PDE1C: variants seen among roughly 807,000 people sequenced by gnomAD.
The protein encoded by PDE1C is dual specificity calcium/calmodulin-dependent 3',5'-cyclic nucleotide phosphodiesterase 1C.
Under a neutral mutation model 93.1 loss-of-function variants are expected in PDE1C, and 62 were observed. That is an observed-to-expected ratio of 0.67 (90% CI 0.54 to 0.82). PDE1C has a LOEUF of 0.82. Ranked by LOEUF, PDE1C falls within the 40% of genes least tolerant of loss-of-function variation. The probability of loss-of-function intolerance (pLI) is 0.00; values close to 1 mark genes in which losing one functional copy is unlikely to be tolerated. For synonymous variants in PDE1C, 325 were observed against 310.1 expected (o/e 1.05, Z -0.50); for missense variants, 742 against 884.6 (o/e 0.84, Z 2.04).
chr7:31,888,885 A>T (rs1004915295), intron 2 of PDE1C, among the ~76,000 whole-genome samples: 1 of 152,166 alleles, frequency 6.6e-6, no homozygotes, highest in Non-Finnish European at 1.5e-5. Context: ...AAACAGCAAT[A>T]AACAATTAGA....
the PDE1C span, among the ~76,000 whole-genome samples, chr7:31,693,283 C>T: frequency 6.6e-6 from 1 of 152,160 alleles, no homozygotes; most frequent in African/African-American, 2.4e-5. Flanking sequence ...AATTGTAGCC[C>T]ATGACAGGTT....
chr7:32,298,109 C>G (rs1229735571), intron 1 of PDE1C, among the ~76,000 whole-genome samples: 1 of 145,032 alleles, frequency 6.9e-6, no homozygotes, highest in Non-Finnish European at 1.5e-5. Flanking sequence ...CTCAGCCTCT[C>G]CTCTCTTGTT....
intron 8 of PDE1C, 121 bp downstream of exon 8, chr7:31,850,520 T>C (rs1334045049): frequency 7.1e-6 from 5 of 701,610 alleles, no homozygotes; most frequent in Non-Finnish European, 1.0e-5. Flanking sequence ...TAGAGGTTCA[T>C]TGTTTCAGAA....
the PDE1C span, among the ~76,000 whole-genome samples, chr7:31,711,730 T>C: frequency 0.42 from 63,626 of 151,968 alleles, 14,698 homozygotes; most frequent in East Asian, 0.67. Flanking sequence ...TTGTCTTCCC[T>C]CGCCCCACTC....
At chr7:31,690,464 A>C in the PDE1C span, among the ~76,000 whole-genome samples, 3 of 152,242 alleles carry the variant, frequency 2.0e-5, no homozygotes, top group Non-Finnish European at 4.4e-5. Context: ...TAGCCTTTGC[A>C]AATTTTATTG....
chr7:31,988,332 A>G (rs974827798), intron 2 of PDE1C, among the ~76,000 whole-genome samples: 1 of 152,206 alleles, frequency 6.6e-6, no homozygotes, highest in Non-Finnish European at 1.5e-5. Flanking sequence ...TTCCAGCCAG[A>G]GCCATGACCA....
chr7:32,093,433 G>A (rs1472038598), intron 3 of PDE1C, among the ~76,000 whole-genome samples: 1 of 152,172 alleles, frequency 6.6e-6, no homozygotes, highest in Non-Finnish European at 1.5e-5. Context: ...TTTGGTCATT[G>A]TAATTTATAC....
At chr7:32,390,803 T>C (rs1301676171) in intron 1 of PDE1C, among the ~76,000 whole-genome samples, 1 of 151,956 alleles carries the variant, frequency 6.6e-6, no homozygotes, top group East Asian at 1.9e-4. Context: ...TAGTGAACCA[T>C]GATGGTGCCA....
At chr7:31,793,803 T>C (rs1239079333) in intron 16 of PDE1C, among the ~76,000 whole-genome samples, 2 of 151,894 alleles carry the variant, frequency 1.3e-5, no homozygotes, top group Non-Finnish European at 2.9e-5. Context: ...TTTAAAGCGT[T>C]ATTTTCAACA....
intron 2 of PDE1C, among the ~76,000 whole-genome samples, chr7:31,994,015 A>C: frequency 6.6e-6 from 1 of 152,158 alleles, no homozygotes; most frequent in East Asian, 1.9e-4. Context: ...AGAAAGTGGA[A>C]ATTCCATGTT....
At chr7:32,224,872 C>A (rs570582008) in intron 1 of PDE1C, among the ~76,000 whole-genome samples, 1 of 151,530 alleles carries the variant, frequency 6.6e-6, no homozygotes, top group African/African-American at 2.4e-5. Context: ...TTTGATCTTA[C>A]GTTAGAAGAA....
intron 15 of PDE1C, among the ~76,000 whole-genome samples, chr7:31,814,272 T>C (rs1486857700): frequency 6.6e-6 from 1 of 152,042 alleles, no homozygotes; most frequent in African/African-American, 2.4e-5. Flanking sequence ...GATCAAATGG[T>C]AGTTTGGGTA....
At chr7:31,818,010 A>C (rs1788478742) in intron 14 of PDE1C, among the ~76,000 whole-genome samples, 1 of 152,086 alleles carries the variant, frequency 6.6e-6, no homozygotes, top group Non-Finnish European at 1.5e-5. Context: ...ATCCCCAAAC[A>C]AATTAAATAA....
At chr7:32,032,007 ACC>A (rs141433224) in intron 2 of PDE1C, among the ~76,000 whole-genome samples, 3,202 of 152,084 alleles carry the variant, frequency 0.021, 126 homozygotes, top group African/African-American at 0.073. Flanking sequence ...TTTGTGCACA[ACC>A]CTTTGCCATC....
At chr7:31,791,476 T>C (rs751950545) in intron 16 of PDE1C, among the ~76,000 whole-genome samples, 1 of 152,114 alleles carries the variant, frequency 6.6e-6, no homozygotes, top group Non-Finnish European at 1.5e-5. Flanking sequence ...ATGCACAGTT[T>C]GGTCCACATG....
chr7:31,618,708 G>A, the PDE1C span, among the ~76,000 whole-genome samples: 1 of 152,172 alleles, frequency 6.6e-6, no homozygotes, highest in African/African-American at 2.4e-5. Context: ...GCTTATGAGT[G>A]AGGAAACCAA....
the PDE1C span, among the ~76,000 whole-genome samples, chr7:31,712,885 A>C: frequency 6.6e-6 from 1 of 152,124 alleles, no homozygotes; most frequent in Non-Finnish European, 1.5e-5. Context: ...GAGAACAGCA[A>C]GGGAAAGACC....
At chr7:32,308,091 T>G (rs372953790) in intron 1 of PDE1C, among the ~76,000 whole-genome samples, 1 of 152,354 alleles carries the variant, frequency 6.6e-6, no homozygotes, top group Non-Finnish European at 1.5e-5. Flanking sequence ...ATCCCGCACA[T>G]GGCTCAGAGG....
intron 2 of PDE1C, among the ~76,000 whole-genome samples, chr7:32,201,674 A>C (rs1308872632): frequency 6.6e-6 from 1 of 152,166 alleles, no homozygotes; most frequent in African/African-American, 2.4e-5. Flanking sequence ...TAAAGAATGG[A>C]GGAGGATGAG....
Sources: allele counts gnomAD v4.1 joint callset (sites outside exome capture counted in the v4.1 genomes callset), GRCh38; gene constraint gnomAD v4.1.1; transcripts MANE v1.5; gene names NCBI Gene and HGNC (gene_info 2026-07-23, HGNC 2026-07-21).